Variants in ERBIN observed in about 807,000 individuals in gnomAD.
ERBIN encodes the protein densin-180-like protein.
In ERBIN, 60 loss-of-function variants were observed where a neutral mutation model predicts 158.4. The ratio of observed to expected loss-of-function variants is 0.38; its 90% confidence interval spans 0.31 to 0.47. The LOEUF is 0.47. Ranked by LOEUF, ERBIN falls within the 20% of genes least tolerant of loss-of-function variation. The pLI is 0.99. For synonymous variants in ERBIN, 594 were observed against 557.2 expected, an observed-to-expected ratio of 1.07 and a Z score of -0.93; for missense variants, 1,610 against 1,648.0, an observed-to-expected ratio of 0.98 and a Z score of 0.40.
At chr5:66,011,162 G>C (rs1444691343) in intron 4 of ERBIN, among the ~76,000 whole-genome samples, 13 of 152,126 alleles carry the variant, frequency 8.5e-5, no homozygotes, top group Admixed American at 8.5e-4. Flanking sequence ...GCATGACATT[G>C]GGTTACGTGA....
At chr5:66,035,312 A>G (rs1029177134) in intron 14 of ERBIN, among the ~76,000 whole-genome samples, 1 of 152,172 alleles carries the variant, frequency 6.6e-6, no homozygotes, top group Non-Finnish European at 1.5e-5. Context: ...CAGCAAGCCC[A>G]AAATTGAGTA....
In ERBIN at chr5:66,021,365, A is replaced by C; in HGVS notation, c.577A>C (p.Ser193Arg). 6.2e-7 allele frequency: 1 copy of C among 1,603,548 alleles called. No homozygotes were observed. The highest frequency in any genetic ancestry group is 8.5e-7 in the Non-Finnish European group (1 of 1,172,874). The change falls in exon 8 of 26, where the codon AGT becomes CGT. Residue 193 changes from serine (S) to arginine (R), a missense_variant. Coordinates refer to ENST00000284037, the MANE Select transcript of ERBIN (RefSeq NM_001253697.2). Reference protein sequence around the residue: ...LTQLERLDLGSNEFTEVPEVL... With the variant: ...LTQLERLDLGRNEFTEVPEVL... ...CCAGCTGGAAAGACTGGATTTGGGA[A>C]GTAACGAATTCACGGAAGTGGTAAG... is the stretch of plus-strand genomic sequence containing the variant.
chr5:66,058,500 A>G (rs1176848984), intron 21 of ERBIN, among the ~76,000 whole-genome samples: 1 of 151,206 alleles, frequency 6.6e-6, no homozygotes, highest in Non-Finnish European at 1.5e-5. Flanking sequence ...GTTCACTCTG[A>G]TGGTGGTTTC....
chr5:66,023,612 C>T (rs1409737659), intron 9 of ERBIN, among the ~76,000 whole-genome samples: 9 of 151,536 alleles, frequency 5.9e-5, no homozygotes, highest in African/African-American at 2.2e-4. Context: ...CTTGAACTTA[C>T]GTCCCAATTT....
intron 3 of ERBIN, 141 bp from the exon 4 acceptor site, chr5:65,994,606 A>C (rs1410988323): frequency 1.8e-6 from 1 of 556,330 alleles, no homozygotes; most frequent in Non-Finnish European, 3.2e-6. Flanking sequence ...ATAATAGCAT[A>C]ACCAGAACAA....
intron 7 of ERBIN, among the ~76,000 whole-genome samples, chr5:66,016,472 T>TGG (rs1336845456): frequency 4.6e-5 from 7 of 152,202 alleles, no homozygotes; most frequent in African/African-American, 1.7e-4. Flanking sequence ...GTAAAATATG[T>TGG]GTAAAATTTA....
chr5:65,929,502 C>T (rs1649376052), intron 1 of ERBIN, among the ~76,000 whole-genome samples: 1 of 152,078 alleles, frequency 6.6e-6, no homozygotes, highest in Admixed American at 6.5e-5. Flanking sequence ...CCTTACATAC[C>T]CTACTTGGCT....
At chr5:65,977,417 G>A (rs1422848018) in intron 1 of ERBIN, among the ~76,000 whole-genome samples, 2 of 150,402 alleles carry the variant, frequency 1.3e-5, no homozygotes, top group South Asian at 2.1e-4. Context: ...GCTGCCGGGC[G>A]GAGGGGCTCC....
At chr5:65,994,886 A>AT (rs1313869683) in intron 4 of ERBIN, 22 bp downstream of exon 4, 10 of 1,439,066 alleles carry the variant, frequency 6.9e-6, no homozygotes, top group Non-Finnish European at 9.6e-6. Context: ...TTTGCCCATA[A>AT]TTTTTTGTAC....
In ERBIN at chr5:66,075,128, A is replaced by C; in HGVS notation, c.3861A>C (p.Arg1287Ser). The stretch of plus-strand genomic sequence containing the variant: ...CATCTGTGGCAAGGCATCCCTCTAG[A>C]GAACAACTAATTGATTACTTGATGC... ...PQASVARHPS[R>S]EQLIDYLMLK... Residue 1287 changes from arginine (R) to serine (S), a missense_variant, in exon 23 of 26, where the codon AGA becomes AGC. Transcript: ENST00000284037. 6.2e-7 allele frequency: 1 copy of C among 1,614,182 alleles called. No homozygotes were observed. Among genetic ancestry groups the C allele is most frequent in the Non-Finnish European group, 8.5e-7 (1 of 1,180,024 alleles).
chr5:65,932,738 T>C (rs1743594304), intron 1 of ERBIN, among the ~76,000 whole-genome samples: 1 of 152,220 alleles, frequency 6.6e-6, no homozygotes, highest in South Asian at 2.1e-4. Context: ...TTTTCAGTTA[T>C]TTTGTTACTT....
chr5:66,061,854 G>A (rs1760407266), intron 21 of ERBIN, among the ~76,000 whole-genome samples: 2 of 152,178 alleles, frequency 1.3e-5, no homozygotes, highest in Non-Finnish European at 2.9e-5. Flanking sequence ...TTTTCTTTAA[G>A]AATGTTGGAT....
chr5:65,982,517 A>T (rs1286442600), intron 1 of ERBIN, among the ~76,000 whole-genome samples: 2 of 152,200 alleles, frequency 1.3e-5, no homozygotes, highest in Non-Finnish European at 2.9e-5. Flanking sequence ...ACAAAATTTG[A>T]TCACTCTTTT....
intron 7 of ERBIN, among the ~76,000 whole-genome samples, chr5:66,017,256 T>C (rs1419525802): frequency 2.0e-5 from 3 of 152,280 alleles, no homozygotes; most frequent in Admixed American, 1.3e-4. Context: ...TTTAATTTTT[T>C]TTAGGAACTT....
At chr5:66,007,012 C>T (rs1345330343) in intron 4 of ERBIN, among the ~76,000 whole-genome samples, 1 of 148,524 alleles carries the variant, frequency 6.7e-6, no homozygotes, top group African/African-American at 2.6e-5. Context: ...ATAGAAATAC[C>T]ATTTGACCCA....
intron 14 of ERBIN, among the ~76,000 whole-genome samples, chr5:66,029,217 A>G (rs1452625799): frequency 6.6e-6 from 1 of 152,174 alleles, no homozygotes; most frequent in Non-Finnish European, 1.5e-5. Flanking sequence ...AAATATTTTG[A>G]GGAACCTCCA....
At chr5:65,971,876 G>GCAGT (rs753320522) in intron 1 of ERBIN, among the ~76,000 whole-genome samples, 4 of 152,152 alleles carry the variant, frequency 2.6e-5, no homozygotes, top group Non-Finnish European at 5.9e-5. Flanking sequence ...ATCTAGGAGG[G>GCAGT]CAGTGTTACC....
At chr5:65,998,114 C>G (rs1390486530) in intron 4 of ERBIN, among the ~76,000 whole-genome samples, 1 of 151,760 alleles carries the variant, frequency 6.6e-6, no homozygotes, top group Non-Finnish European at 1.5e-5. Flanking sequence ...GTAGTCCCAG[C>G]TAGTCAGGAG....
Position 66,080,582 on chromosome 5 carries a change from A to T in ERBIN, c.*2052A>T, listed in dbSNP as rs1162578885. The T allele has an allele frequency of 1.3e-5, 2 of 152,014 alleles. No individual in the cohort carries two copies. Among genetic ancestry groups the T allele is most frequent in the Admixed American group, 6.6e-5 (1 of 15,262 alleles). 9.4% of individuals were successfully genotyped at this position (152,014 alleles called of 1,614,324 possible). ...TAATTTTGGCATTCTAAAATAGCTAACATTTCTTTTATTGATTTCAGATTT... is the reference window on the plus strand; with the variant it reads ...TAATTTTGGCATTCTAAAATAGCTATCATTTCTTTTATTGATTTCAGATTT... On this transcript the variant is annotated 3_prime_UTR_variant, in exon 26 of 26. Transcript: ENST00000284037.
Sources: allele counts gnomAD v4.1 joint callset (sites outside exome capture counted in the v4.1 genomes callset), GRCh38; gene constraint gnomAD v4.1.1; transcripts MANE v1.5; gene names NCBI Gene and HGNC (gene_info 2026-07-23, HGNC 2026-07-21).